PGBD5: variants seen among roughly 807,000 people sequenced by gnomAD.
PGBD5 encodes the protein piggyBac transposable element-derived protein 5.
Under a neutral mutation model 47.9 loss-of-function variants are expected in PGBD5, and 14 were observed. The observed-to-expected ratio is 0.29, with a 90% CI of 0.19 to 0.46. The LOEUF is 0.46. Ranked by LOEUF, PGBD5 falls within the 20% of genes least tolerant of loss-of-function variation. PGBD5 has a pLI of 1.00. For missense variants in PGBD5, 635 were observed against 716.0 expected, an observed-to-expected ratio of 0.89 and a Z score of 1.29; for synonymous variants, 316 against 306.3, an observed-to-expected ratio of 1.03 and a Z score of -0.33.
intron 1 of PGBD5, chr1:230,368,276 T>A: frequency 8.4e-7 from 1 of 1,191,890 alleles, no homozygotes; most frequent in Non-Finnish European, 1.1e-6. Context: ...AAATGTGTGT[T>A]GCTGAGGCCA....
chr1:230,347,562 C>A (rs1449558017), intron 3 of PGBD5, among the ~76,000 whole-genome samples: 2 of 150,568 alleles, frequency 1.3e-5, no homozygotes, highest in Non-Finnish European at 2.9e-5. Flanking sequence ...TCACTGCAAC[C>A]TCCGCCTCCC....
At chr1:230,386,826 G>A (rs146338530) in intron 1 of PGBD5, among the ~76,000 whole-genome samples, 6 of 152,294 alleles carry the variant, frequency 3.9e-5, no homozygotes, top group Non-Finnish European at 8.8e-5. Context: ...CAAACATGGT[G>A]TTCTGCCCAG....
intron 1 of PGBD5, among the ~76,000 whole-genome samples, chr1:230,423,059 C>G (rs1017674383): frequency 1.3e-5 from 2 of 151,772 alleles, no homozygotes; most frequent in African/African-American, 4.8e-5. Context: ...ACAAGCAATA[C>G]ACATTTGCAT....
rs1027088296 is a variant in PGBD5, at chr1:230,414,052, C to A, written c.331+11546G>T. ...TGGGGTGAAGGAACGCTGGCACACC[C>A]CAAGGTGCATGTGACTTAGGTTAGT... On this transcript the variant is annotated intron_variant, in intron 1 of 6. Coordinates refer to ENST00000391860, the MANE Select transcript of PGBD5 (RefSeq NM_001258311.2). Among the ~76,000 whole-genome samples the A allele has an allele frequency of 2.0e-5, 3 of 152,142 alleles. No individual in the cohort carries two copies. The East Asian group carries it at 5.8e-4, about 29-fold the overall frequency.
At chr1:230,364,486 T>A (rs1392664845) in intron 1 of PGBD5, among the ~76,000 whole-genome samples, 2 of 152,212 alleles carry the variant, frequency 1.3e-5, no homozygotes, top group South Asian at 2.1e-4. Context: ...CAAGTATAGC[T>A]TCAGTCGCAT....
At chr1:230,352,509 C>T (rs1667574502) in intron 2 of PGBD5, among the ~76,000 whole-genome samples, 2 of 152,104 alleles carry the variant, frequency 1.3e-5, no homozygotes, top group African/African-American at 4.8e-5. Flanking sequence ...AGGTTGAATG[C>T]AAATTGAATG....
intron 1 of PGBD5, among the ~76,000 whole-genome samples, chr1:230,398,294 G>A (rs12041375): frequency 0.2 from 30,436 of 152,126 alleles, 3,400 homozygotes; most frequent in East Asian, 0.37. Flanking sequence ...AGAAGTGTGA[G>A]ATCAAGGTGT....
intron 1 of PGBD5, among the ~76,000 whole-genome samples, chr1:230,407,385 GATT>G (rs950885704): frequency 3.9e-5 from 6 of 152,140 alleles, no homozygotes; most frequent in African/African-American, 1.4e-4. Flanking sequence ...TATGAATCCT[GATT>G]ATTAAGTTCC....
intron 1 of PGBD5, among the ~76,000 whole-genome samples, chr1:230,393,408 C>G (rs1656839887): frequency 6.6e-6 from 1 of 152,028 alleles, no homozygotes; most frequent in Non-Finnish European, 1.5e-5. Context: ...CTAGGAGGCT[C>G]ACCCTAGGAC....
intron 1 of PGBD5, among the ~76,000 whole-genome samples, chr1:230,407,681 G>GA (rs1015739826): frequency 1.5e-4 from 22 of 151,178 alleles, no homozygotes; most frequent in East Asian, 5.8e-4. Context: ...AATGTTCATA[G>GA]AAAAAAAAAT....
chr1:230,411,156 G>A (rs1262345465), intron 1 of PGBD5, among the ~76,000 whole-genome samples: 2 of 152,060 alleles, frequency 1.3e-5, no homozygotes, highest in African/African-American at 4.8e-5. Context: ...GGTGGCACAC[G>A]CCTGTAGTCC....
At chr1:230,407,180 G>C (rs1309120907) in intron 1 of PGBD5, among the ~76,000 whole-genome samples, 1 of 152,168 alleles carries the variant, frequency 6.6e-6, no homozygotes, top group East Asian at 1.9e-4. Flanking sequence ...AATATTCAGA[G>C]CTTGAAGAAA....
intron 1 of PGBD5, among the ~76,000 whole-genome samples, chr1:230,363,881 G>A (rs1667786978): frequency 6.6e-6 from 1 of 152,052 alleles, no homozygotes; most frequent in African/African-American, 2.4e-5. Flanking sequence ...TCCCTAAAAG[G>A]GCAATGTAGG....
At chr1:230,373,318 T>C (rs961153921) in intron 1 of PGBD5, among the ~76,000 whole-genome samples, 1 of 152,190 alleles carries the variant, frequency 6.6e-6, no homozygotes, top group Non-Finnish European at 1.5e-5. Flanking sequence ...GATCCAGAGA[T>C]GGCAAATAGG....
intron 1 of PGBD5, among the ~76,000 whole-genome samples, chr1:230,392,136 T>C (rs965717660): frequency 6.6e-6 from 1 of 152,264 alleles, no homozygotes; most frequent in Non-Finnish European, 1.5e-5. Flanking sequence ...GCCTTGGTCA[T>C]GTGTCATGGG....
At chr1:230,337,343 C>CACGCTAA in intron 3 of PGBD5, 55 bp from the exon 4 acceptor site, 2 of 1,484,114 alleles carry the variant, frequency 1.3e-6, no homozygotes, top group Non-Finnish European at 1.8e-6. Context: ...AGGCTGGGAG[C>CACGCTAA]CCGAGTATTC....
Position 230,332,919 on chromosome 1 carries a change from T to A in PGBD5, c.1198A>T (p.Asn400Tyr). The change falls in exon 5 of 7, where the codon AAC (asparagine) becomes TAC (tyrosine). Residue 400 changes from asparagine (N) to tyrosine (Y), a missense_variant. Asn to Tyr is a moderately radical substitution (Grantham distance 143). Transcript: ENST00000391860. Reference sequence around the variant, plus strand: ...TTGTACCAGCAGATCAAGGACATGTTCCCCTTCATCTTGATTTGGTACTGG... The same window carrying A: ...TTGTACCAGCAGATCAAGGACATGTACCCCTTCATCTTGATTTGGTACTGG... ...RGQYQIKMKG[N>Y]MSLICWYNKG... 8 of 1,614,194 alleles carry A rather than the reference T, an allele frequency of 5.0e-6. No individual in the cohort carries two copies. The highest frequency in any genetic ancestry group is 6.8e-6 in the Non-Finnish European group (8 of 1,180,016).
intron 6 of PGBD5, among the ~76,000 whole-genome samples, chr1:230,324,406 A>C (rs1667084217): frequency 6.6e-6 from 1 of 152,198 alleles, no homozygotes; most frequent in South Asian, 2.1e-4. Flanking sequence ...TCTTTGTAAC[A>C]ACCTCATGGA....
At chr1:230,393,920 C>T (rs1656856573) in intron 1 of PGBD5, among the ~76,000 whole-genome samples, 1 of 152,086 alleles carries the variant, frequency 6.6e-6, no homozygotes, top group Non-Finnish European at 1.5e-5. Flanking sequence ...TCACTGGCTC[C>T]CCGCCCTAGA....
Sources: allele counts gnomAD v4.1 joint callset (sites outside exome capture counted in the v4.1 genomes callset), GRCh38; gene constraint gnomAD v4.1.1; transcripts MANE v1.5; gene names NCBI Gene and HGNC (gene_info 2026-07-23, HGNC 2026-07-21).